Variants in SRSF11 observed in about 807,000 individuals in gnomAD.
SRSF11 encodes serine and arginine rich splicing factor 11.
A neutral mutation model predicts 56.0 loss-of-function variants in SRSF11; 9 were observed. That is an observed-to-expected ratio of 0.16 (90% confidence interval 0.10 to 0.28). SRSF11 has a LOEUF of 0.28. SRSF11 is among the 10% of genes least tolerant of loss of function. The pLI is 1.00. For missense variants in SRSF11, 421 were observed against 600.7 expected (o/e 0.70, Z 3.13); for synonymous variants, 222 against 215.3 (o/e 1.03, Z -0.27).
intron 1 of SRSF11, among the ~76,000 whole-genome samples, chr1:70,206,635 C>T (rs964013230): frequency 1.3e-5 from 2 of 151,964 alleles, no homozygotes; most frequent in African/African-American, 4.8e-5. Flanking sequence ...AAGCATATGC[C>T]AGGGAATACC....
Position 70,250,961 on chromosome 1 carries a change from A to G in SRSF11, c.*156A>G. 3 of 641,852 alleles carry G rather than the reference A, an allele frequency of 4.7e-6. No individual in the cohort carries two copies. Among genetic ancestry groups the G allele is most frequent in the Non-Finnish European group, 5.2e-6 (2 of 382,324 alleles). 39.8% of individuals were successfully genotyped at this position (641,852 alleles called of 1,614,324 possible). ...CCTGTTACTCATATTAGTTATTTACATCAAAAAGCTTTTAGAAAATGGTAC... is the reference window on the plus strand; with the variant it reads ...CCTGTTACTCATATTAGTTATTTACGTCAAAAAGCTTTTAGAAAATGGTAC... On this transcript the variant is annotated 3_prime_UTR_variant, in exon 12 of 12. Transcript: ENST00000370949.
chr1:70,240,889 C>T (rs1314470076), intron 7 of SRSF11, among the ~76,000 whole-genome samples: 1 of 151,742 alleles, frequency 6.6e-6, no homozygotes, highest in Non-Finnish European at 1.5e-5. Context: ...AATTCTGCCT[C>T]AGCCTCCCGA....
chr1:70,228,396 T>C (rs1672274242), intron 1 of SRSF11, 26 bp from the exon 2 acceptor site: 1 of 1,569,696 alleles, frequency 6.4e-7, no homozygotes, highest in South Asian at 1.1e-5. Flanking sequence ...TCTGTTTCTC[T>C]TTTATGTTAT....
chr1:70,218,091 A>C (rs1401794936), upstream of SRSF11, among the ~76,000 whole-genome samples: 1 of 151,964 alleles, frequency 6.6e-6, no homozygotes, highest in Non-Finnish European at 1.5e-5. Flanking sequence ...CAGCCTCCCG[A>C]GTAGCTGGCA....
At chr1:70,244,154 TAGG>T (rs761123619) in intron 7 of SRSF11, among the ~76,000 whole-genome samples, 19 of 152,296 alleles carry the variant, frequency 1.2e-4, no homozygotes, top group Non-Finnish European at 2.2e-4. Context: ...AAATTCGAAA[TAGG>T]AGATGGCAAC....
intron 5 of SRSF11, 130 bp downstream of exon 5, chr1:70,235,680 C>T (rs1040846404): frequency 4.7e-6 from 4 of 845,086 alleles, no homozygotes; most frequent in South Asian, 1.9e-5. Flanking sequence ...GTATTGTTAC[C>T]TAGAAACAAG....
chr1:70,232,049 C>T, intron 2 of SRSF11: 1 of 1,524,880 alleles, frequency 6.6e-7, no homozygotes, highest in Non-Finnish European at 8.8e-7. Flanking sequence ...AGAAACTTAA[C>T]CATTTGTAGA....
At chr1:70,236,322 CTT>C (rs1220859188) in intron 5 of SRSF11, among the ~76,000 whole-genome samples, 1 of 148,152 alleles carries the variant, frequency 6.7e-6, no homozygotes, top group Non-Finnish European at 1.5e-5. Flanking sequence ...TTTCTTTCTT[CTT>C]TCTTTTTCTT....
intron 2 of SRSF11, 127 bp from the exon 3 acceptor site, chr1:70,232,141 T>G: frequency 6.4e-7 from 1 of 1,560,024 alleles, no homozygotes; most frequent in Non-Finnish European, 8.7e-7. Flanking sequence ...TCAAGCTTTG[T>G]ATTTTAGCGA....
chr1:70,221,893 AACAC>A, intron 1 of SRSF11, 54 bp downstream of exon 1: 7 of 1,603,842 alleles, frequency 4.4e-6, no homozygotes, highest in Non-Finnish European at 6.0e-6. Flanking sequence ...GCCTGGGCCT[AACAC>A]ACACAATTTC....
chr1:70,217,622 CAAT>C (rs1199310552), upstream of SRSF11, among the ~76,000 whole-genome samples: 3 of 152,136 alleles, frequency 2.0e-5, no homozygotes, highest in African/African-American at 7.2e-5. Flanking sequence ...GACTGCCTCT[CAAT>C]GATATTGTAG....
At chr1:70,229,992 GAATTCAA>G (rs1264146588) in intron 2 of SRSF11, 2 of 985,186 alleles carry the variant, frequency 2.0e-6, no homozygotes, top group Non-Finnish European at 2.4e-6. Flanking sequence ...AAAATTTACA[GAATTCAA>G]ATTCAGGATG....
chr1:70,251,375 T>G lies in SRSF11; in HGVS notation c.*570T>G, dbSNP rs1219867044. The G allele has an allele frequency of 1.3e-5, 2 of 152,920 alleles. No individual in the cohort carries two copies. Among genetic ancestry groups the G allele is most frequent in the Non-Finnish European group, 2.9e-5 (2 of 68,218 alleles). The allele number at this position is 152,920 out of a possible 1,614,324, so 9.5% of individuals were successfully genotyped here. Reference sequence around the variant, plus strand: ...GCCTTGTGGCAAAATTTTTGTGGCTTTTGTTTAACTTTGAAAGGTTATTAT... The same window carrying G: ...GCCTTGTGGCAAAATTTTTGTGGCTGTTGTTTAACTTTGAAAGGTTATTAT... On this transcript the variant is annotated 3_prime_UTR_variant, in exon 12 of 12. Coordinates refer to ENST00000370949, the MANE Select transcript of SRSF11 (RefSeq NM_001350605.2).
intron 8 of SRSF11, 122 bp downstream of exon 8, chr1:70,244,937 A>G: frequency 2.2e-6 from 2 of 892,694 alleles, no homozygotes; most frequent in South Asian, 2.8e-5. Context: ...AGGGGAAGAA[A>G]CTGTCAATAT....
rs529246636 is a variant in SRSF11 at position 70,229,361 on chromosome 1, C to T, written c.337+806C>T. 3.4e-5 allele frequency: 41 copies of T among 1,191,800 alleles called. No homozygotes were observed. In the African/African-American group the frequency reaches 6.4e-4, roughly 19 times the overall value. 73.8% of individuals were successfully genotyped at this position (1,191,800 alleles called of 1,614,324 possible). On this transcript the variant is annotated intron_variant, in intron 2 of 11. Transcript: ENST00000370949. ...TAACCATTTGTTAACTACATTTTCT[C>T]TCTTTTTACATTTTAGGCTGTTAAA... is the stretch of plus-strand genomic sequence containing the variant.
At chr1:70,224,883 C>T (rs1444171764) in intron 1 of SRSF11, among the ~76,000 whole-genome samples, 1 of 152,160 alleles carries the variant, frequency 6.6e-6, no homozygotes, top group Non-Finnish European at 1.5e-5. Context: ...GTTTGAATAT[C>T]TATTGTGTGT....
chr1:70,228,912 C>T, intron 2 of SRSF11: 2 of 984,100 alleles, frequency 2.0e-6, no homozygotes, highest in Non-Finnish European at 2.4e-6. Flanking sequence ...ACAGAGCCTT[C>T]AAATAAATGC....
At chr1:70,228,663 T>A (rs1211214173) in intron 2 of SRSF11, 108 bp downstream of exon 2, 1 of 1,402,204 alleles carries the variant, frequency 7.1e-7, no homozygotes, top group African/African-American at 1.5e-5. Context: ...ATTAACATTT[T>A]TAAACCCTTG....
At chr1:70,213,216 A>G (rs1300621983) in intron 1 of SRSF11, among the ~76,000 whole-genome samples, 1 of 152,108 alleles carries the variant, frequency 6.6e-6, no homozygotes, top group African/African-American at 2.4e-5. Flanking sequence ...CATTATCCCC[A>G]TTTTTCACAT....
Sources: allele counts gnomAD v4.1 joint callset (sites outside exome capture counted in the v4.1 genomes callset), GRCh38; gene constraint gnomAD v4.1.1; transcripts MANE v1.5; gene names NCBI Gene and HGNC (gene_info 2026-07-23, HGNC 2026-07-21).